Variants in POSTN observed in about 807,000 individuals in gnomAD.
POSTN encodes the protein osteoblast specific factor 2 (fasciclin I-like).
POSTN carries 71 observed loss-of-function variants against 104.5 expected under a neutral mutation model. The observed-to-expected ratio is 0.68, with a 90% CI of 0.56 to 0.83. The LOEUF is 0.83. POSTN is among the 40% of genes least tolerant of loss of function. The pLI is 0.00. For synonymous variants in POSTN, 355 were observed against 340.7 expected, an observed-to-expected ratio of 1.04 and a Z score of -0.46; for missense variants, 949 against 1,006.8, an observed-to-expected ratio of 0.94 and a Z score of 0.78.
Position 37,598,676 on chromosome 13 carries a change from G to A in POSTN, c.51C>T (p.Asn17=), listed in dbSNP as rs1444679106. ...MFSLLLLLIV[N]PINANNHYDK... is the part of the protein sequence containing the mutation. Reference sequence around the variant, plus strand: ...CATAATGATTGTTGGCGTTTATAGGGTTAACAATAAGCAGCAATAGTAGAG... The same window carrying A: ...CATAATGATTGTTGGCGTTTATAGGATTAACAATAAGCAGCAATAGTAGAG... Residue 17 remains asparagine (N), a synonymous_variant, in exon 1 of 23, where the codon AAC becomes AAT. Transcript: ENST00000379747. 2 of 1,613,490 alleles carry A rather than the reference G, an allele frequency of 1.2e-6. No individual in the cohort carries two copies. The highest frequency in any genetic ancestry group is 2.2e-5 in the South Asian group (2 of 91,054).
At chr13:37,580,483 C>A in intron 11 of POSTN, 78 bp downstream of exon 11, 1 of 1,477,714 alleles carries the variant, frequency 6.8e-7, no homozygotes, top group South Asian at 1.2e-5. Flanking sequence ...AGACTGAATG[C>A]CTTTTGGGAT....
chr13:37,585,717 T>C (rs191600574), intron 7 of POSTN, among the ~76,000 whole-genome samples: 5 of 152,230 alleles, frequency 3.3e-5, no homozygotes, highest in Admixed American at 2.6e-4. Context: ...GCAAAGAAGC[T>C]TGGAAAGCCA....
Position 37,582,460 on chromosome 13 carries a change from ATGTGATTC to A in POSTN, c.1290_1297del (p.Gln430HisfsTer9). On this transcript the variant is annotated frameshift_variant, in exon 10 of 23. Coordinates refer to ENST00000379747, the MANE Select transcript of POSTN (RefSeq NM_006475.3). LOFTEE classifies it high-confidence loss of function. ...ATTAAGGCCAACTTTTACTTTCAAT[ATGTGATTC>A]TGCAGAATTAATTTAAGGAGGCGCT... 6.2e-7 allele frequency: 1 copy of A among 1,613,536 alleles called. No individual in the cohort carries two copies. The highest frequency in any genetic ancestry group is 2.2e-5 in the East Asian group (1 of 44,850).
At position 37,586,766 on chromosome 13, in the gene POSTN, C is replaced by A. The variant is rs1169745685; in HGVS notation, c.753+16G>T. On this transcript the variant is annotated intron_variant, in intron 6 of 22. Transcript: ENST00000379747. ...AGGGATTTCAATGACTCAAGACAAT[C>A]TGCTCTTGGACTTACTCTAAAAGAT... 2.5e-6 allele frequency: 4 copies of A among 1,601,140 alleles called. No homozygotes were observed. The highest frequency in any genetic ancestry group is 3.4e-6 in the Non-Finnish European group (4 of 1,173,100).
At chr13:37,595,439 A>C (rs1182635262) in intron 2 of POSTN, among the ~76,000 whole-genome samples, 1 of 152,216 alleles carries the variant, frequency 6.6e-6, no homozygotes, top group Non-Finnish European at 1.5e-5. Context: ...AGATAACATC[A>C]TGTTGAAACT....
In POSTN at chr13:37,563,176, C is replaced by A; in HGVS notation, c.*157G>T. The A allele has an allele frequency of 2.3e-6, 1 of 442,122 alleles. No individual in the cohort carries two copies. 27.4% of individuals were successfully genotyped at this position (442,122 alleles called of 1,614,324 possible). A position where few individuals can be genotyped will look rare whatever the true frequency, so the allele number is the denominator to read the frequency against. On this transcript the variant is annotated 3_prime_UTR_variant, in exon 23 of 23. Coordinates refer to ENST00000379747, the MANE Select transcript of POSTN (RefSeq NM_006475.3). ...CACAATTTCCCTCATGTTTCTCATT[C>A]AGAAAAAAAAATATTAAATTTGTGT...
intron 9 of POSTN, 92 bp from the exon 10 acceptor site, chr13:37,582,606 C>T: frequency 8.4e-7 from 1 of 1,188,442 alleles, no homozygotes; most frequent in Non-Finnish European, 1.2e-6. Flanking sequence ...ACAGATAATC[C>T]CTGACATTAT....
Position 37,571,441 on chromosome 13 carries a change from C to A in POSTN, c.2107G>T (p.Val703Phe). ...IKTEGPTLTK[V>F]KIEGEPEFRL... ...AATTCAGGTTCACCTTCAATTTTGA[C>A]TTTTGTTAGTGTGGGTCCTGGGACA... is the stretch of plus-strand genomic sequence containing the variant. Residue 703 changes from valine (V) to phenylalanine (F), a missense_variant, in exon 18 of 23, where the codon GTC becomes TTC. Val to Phe is a conservative substitution (Grantham distance 50, BLOSUM62 -1). Coordinates refer to ENST00000379747, the MANE Select transcript of POSTN (RefSeq NM_006475.3). 1 of 1,606,452 alleles carries A rather than the reference C, an allele frequency of 6.2e-7. No homozygotes were observed.
rs1566027120 is a variant in POSTN, at chr13:37,584,926, G to A, written c.898C>T (p.Leu300Phe). 1 of 1,613,438 alleles carries A rather than the reference G, an allele frequency of 6.2e-7. No individual in the cohort carries two copies. The highest frequency in any genetic ancestry group is 1.1e-5 in the South Asian group (1 of 91,028). Residue 300 changes from leucine to phenylalanine, a missense_variant and splice_region_variant, in exon 8 of 23, where the codon CTT becomes TTT. Coordinates refer to ENST00000379747, the MANE Select transcript of POSTN (RefSeq NM_006475.3). Reference sequence around the variant, plus strand: ...GTATTTAAGATGTGGTACTTCATAAGAGCTGGAGAACACAATAAAAACAGG... The same window carrying A: ...GTATTTAAGATGTGGTACTTCATAAAAGCTGGAGAACACAATAAAAACAGG... ...IMGDKVASEA[L>F]MKYHILNTLQ...
At chr13:37,595,403 A>G (rs1301873038) in intron 2 of POSTN, among the ~76,000 whole-genome samples, 1 of 152,214 alleles carries the variant, frequency 6.6e-6, no homozygotes, top group Admixed American at 6.5e-5. Context: ...AGTCTGCACA[A>G]TAATAGGAAT....
intron 2 of POSTN, among the ~76,000 whole-genome samples, chr13:37,596,057 C>A (rs149041638): frequency 5.3e-5 from 8 of 152,094 alleles, no homozygotes; most frequent in South Asian, 4.2e-4. Flanking sequence ...CTGTCTCAGC[C>A]CCCCCAAAGT....
rs773237809 is a variant in POSTN, at chr13:37,597,213, C to A, written c.189G>T (p.Trp63Cys). ...KKKYFSTCKNWYKKSICGQKT... is the reference protein window; with the variant it reads ...KKKYFSTCKNCYKKSICGQKT... The stretch of plus-strand genomic sequence containing the variant: ...TCTGTCCACAGATGGACTTTTTATA[C>A]CAGTTCTTACAAGTGCTGAAGTATT... Residue 63 changes from tryptophan to cysteine, a missense_variant, in exon 2 of 23, where the codon TGG becomes TGT. Coordinates refer to ENST00000379747, the MANE Select transcript of POSTN (RefSeq NM_006475.3). The A allele has an allele frequency of 3.2e-6, 5 of 1,574,912 alleles. No individual in the cohort carries two copies. Among genetic ancestry groups the A allele is most frequent in the Non-Finnish European group, 4.3e-6 (5 of 1,166,038 alleles).
In POSTN at chr13:37,570,658, T is replaced by C. The variant is rs778101278; in HGVS notation, c.2191A>G (p.Lys731Glu). 18 of 1,603,526 alleles carry C rather than the reference T, an allele frequency of 1.1e-5. No homozygotes were observed. The highest frequency in any genetic ancestry group is 1.4e-5 in the Non-Finnish European group (16 of 1,171,056). ...TEVIHGEPIIKKYTKIIDGVP... is the reference protein window; with the variant it reads ...TEVIHGEPIIEKYTKIIDGVP... Reference sequence around the variant, plus strand: ...CCATCAATGATTTTGGTGTATTTTTTAATAATTGGCTCTAAAAGCAGGGGA... The same window carrying C: ...CCATCAATGATTTTGGTGTATTTTTCAATAATTGGCTCTAAAAGCAGGGGA... The change falls in exon 19 of 23, where the codon AAA becomes GAA. Residue 731 changes from lysine (K) to glutamate (E), a missense_variant. Coordinates refer to ENST00000379747, the MANE Select transcript of POSTN (RefSeq NM_006475.3).
chr13:37,566,851 CACA>C (rs1391974652), intron 21 of POSTN, among the ~76,000 whole-genome samples: 3 of 152,012 alleles, frequency 2.0e-5, no homozygotes, highest in African/African-American at 7.3e-5. Context: ...AGTGACAAAT[CACA>C]ACATCAGTAC....
At position 37,590,416 on chromosome 13, in the gene POSTN, T is replaced by C; in HGVS notation, c.397A>G (p.Thr133Ala). Residue 133 changes from threonine (T) to alanine (A), a missense_variant, in exon 4 of 23, where the codon ACT (threonine) becomes GCT (alanine). Physicochemically the swap from Thr to Ala is moderately conservative, Grantham distance 58 (BLOSUM62 0). Transcript: ENST00000379747. ...GCCTCATTACTCGGTGCAAAGTAAG[T>C]GAAGGATCCCTTTCCCTCGATCTCC... ...REEIEGKGSFTYFAPSNEAWD... is the reference protein window; with the variant it reads ...REEIEGKGSFAYFAPSNEAWD... 3.7e-6 allele frequency: 6 copies of C among 1,608,112 alleles called. 1 individual carries two copies. The highest frequency in any genetic ancestry group is 3.3e-4 in the Middle Eastern group (2 of 6,056).
At position 37,587,750 on chromosome 13, in the gene POSTN, A is replaced by T. The variant is rs1420505568; in HGVS notation, c.606+72T>A. The T allele has an allele frequency of 1.1e-5, 13 of 1,181,160 alleles. No individual in the cohort carries two copies. The Admixed American group carries it at 2.9e-4, about 27-fold the overall frequency. The allele number at this position is 1,181,160 out of a possible 1,614,324, so 73.2% of individuals were successfully genotyped here. On this transcript the variant is annotated intron_variant, in intron 5 of 22. Coordinates refer to ENST00000379747, the MANE Select transcript of POSTN (RefSeq NM_006475.3). ...CTAACATTTTATTATTTTTGTGAGC[A>T]TTATATAAAAAGTATAGACAAAATT...
In POSTN at chr13:37,587,823, C is replaced by G; in HGVS notation, c.605G>C (p.Gly202Ala). 1.3e-6 allele frequency: 2 copies of G among 1,577,720 alleles called. No individual in the cohort carries two copies. Among genetic ancestry groups the G allele is most frequent in the Admixed American group, 1.8e-5 (1 of 56,880 alleles). The change falls in exon 5 of 23, where the codon GGG becomes GCG. Residue 202 changes from glycine to alanine, a missense_variant and splice_region_variant. Transcript: ENST00000379747. ...LGLFINHYPN[G>A]VVTVNCARII... ...GTACTTTTTACTGATAAAACTTACC[C>G]CATTAGGATAATGGTTAATGAAAAG...
At chr13:37,578,621 C>A (rs1950483495) in intron 15 of POSTN, among the ~76,000 whole-genome samples, 1 of 151,638 alleles carries the variant, frequency 6.6e-6, no homozygotes, top group Middle Eastern at 3.4e-3. Flanking sequence ...CACAGTGAAA[C>A]CCCATCTCTC....
intron 2 of POSTN, among the ~76,000 whole-genome samples, chr13:37,593,141 G>C (rs1950991931): frequency 6.6e-6 from 1 of 151,014 alleles, no homozygotes; most frequent in Non-Finnish European, 1.5e-5. Context: ...AGTGTGTTAA[G>C]TTCTATAGGC....
Sources: allele counts gnomAD v4.1 joint callset (sites outside exome capture counted in the v4.1 genomes callset), GRCh38; gene constraint gnomAD v4.1.1; transcripts MANE v1.5; gene names NCBI Gene and HGNC (gene_info 2026-07-23, HGNC 2026-07-21).